CPNE8: variants seen among roughly 807,000 people sequenced by gnomAD.
CPNE8 encodes the protein copine-8.
In CPNE8, 45 loss-of-function variants were observed where a neutral mutation model predicts 81.5. The observed-to-expected ratio is 0.55, with a 90% CI of 0.44 to 0.71. The LOEUF (loss-of-function observed/expected upper bound fraction) is 0.71. CPNE8 is among the 30% of genes least tolerant of loss of function. The pLI is 0.00. For synonymous variants in CPNE8, 252 were observed against 226.3 expected, an observed-to-expected ratio of 1.11 and a Z score of -1.02; for missense variants, 594 against 672.1, an observed-to-expected ratio of 0.88 and a Z score of 1.28.
At chr12:38,790,666 G>A (rs1213046870) in intron 6 of CPNE8, among the ~76,000 whole-genome samples, 2 of 151,580 alleles carry the variant, frequency 1.3e-5, no homozygotes, top group Non-Finnish European at 3.0e-5. Flanking sequence ...TCCATGATGT[G>A]ATTATTACAC....
chr12:38,714,285 TG>T (rs1940334119), intron 13 of CPNE8, among the ~76,000 whole-genome samples: 1 of 152,110 alleles, frequency 6.6e-6, no homozygotes. Flanking sequence ...TAATTTGAAA[TG>T]AATCTGACAT....
intron 1 of CPNE8, among the ~76,000 whole-genome samples, chr12:38,877,462 A>G (rs1300989692): frequency 1.3e-5 from 2 of 152,114 alleles, no homozygotes; most frequent in East Asian, 1.9e-4. Context: ...CTTTGTTCCT[A>G]CCATTTTATA....
At chr12:38,856,542 T>A (rs571809216) in intron 3 of CPNE8, among the ~76,000 whole-genome samples, 58 of 152,292 alleles carry the variant, frequency 3.8e-4, no homozygotes, top group Admixed American at 3.3e-3. Flanking sequence ...CCTGGTGTCA[T>A]CAACTAATGG....
chr12:38,891,420 T>A (rs2137142752), intron 1 of CPNE8, among the ~76,000 whole-genome samples: 1 of 152,232 alleles, frequency 6.6e-6, no homozygotes, highest in South Asian at 2.1e-4. Context: ...AGGCAGGCAT[T>A]TCAGTGTTCT....
intron 6 of CPNE8, among the ~76,000 whole-genome samples, chr12:38,802,530 G>C (rs1402464470): frequency 1.8e-5 from 1 of 56,674 alleles, no homozygotes; most frequent in African/African-American, 5.5e-5. Flanking sequence ...GAAATTTATA[G>C]CACTAAACGC....
intron 1 of CPNE8, among the ~76,000 whole-genome samples, chr12:38,890,817 C>A (rs1022674319): frequency 1.3e-5 from 2 of 151,626 alleles, no homozygotes; most frequent in African/African-American, 4.8e-5. Flanking sequence ...GGATATCACA[C>A]ATGCAAATTG....
chr12:38,711,238 A>C, intron 13 of CPNE8, among the ~76,000 whole-genome samples: 1 of 152,182 alleles, frequency 6.6e-6, no homozygotes, highest in Admixed American at 6.5e-5. Flanking sequence ...GTGTGGCTAA[A>C]AGTGCACACT....
At chr12:38,839,556 C>G (rs1943436045) in intron 5 of CPNE8, among the ~76,000 whole-genome samples, 1 of 151,968 alleles carries the variant, frequency 6.6e-6, no homozygotes, top group South Asian at 2.1e-4. Context: ...AACCACTCTG[C>G]CTACACTCAG....
intron 13 of CPNE8, among the ~76,000 whole-genome samples, chr12:38,716,272 T>C (rs1245746584): frequency 6.6e-6 from 1 of 152,058 alleles, no homozygotes; most frequent in Non-Finnish European, 1.5e-5. Flanking sequence ...ACCAGCATTA[T>C]TCTTGACAGA....
chr12:38,825,872 C>T (rs1158325196), intron 6 of CPNE8, among the ~76,000 whole-genome samples: 1 of 152,180 alleles, frequency 6.6e-6, no homozygotes, highest in Non-Finnish European at 1.5e-5. Flanking sequence ...AAATATCTTT[C>T]CACTAGCAAA....
chr12:38,783,767 A>G (rs369841532), intron 6 of CPNE8, among the ~76,000 whole-genome samples: 14 of 152,222 alleles, frequency 9.2e-5, no homozygotes, highest in African/African-American at 3.1e-4. Flanking sequence ...GTCCAAGACT[A>G]TCAAGGCAGT....
chr12:38,799,118 C>T (rs904891736), intron 6 of CPNE8, among the ~76,000 whole-genome samples: 1 of 152,186 alleles, frequency 6.6e-6, no homozygotes, highest in African/African-American at 2.4e-5. Flanking sequence ...TAACACCCCA[C>T]TGTCAACATT....
chr12:38,902,823 A>T (rs1006463100), intron 1 of CPNE8, among the ~76,000 whole-genome samples: 1 of 152,234 alleles, frequency 6.6e-6, no homozygotes, highest in Non-Finnish European at 1.5e-5. Flanking sequence ...TTATAATAAT[A>T]GCTAACATTT....
intron 13 of CPNE8, among the ~76,000 whole-genome samples, chr12:38,706,988 T>C (rs826892): frequency 0.5 from 76,506 of 151,940 alleles, 20,282 homozygotes; most frequent in East Asian, 0.8. Flanking sequence ...TATGGCTATT[T>C]GCTAAAGAAC....
At chr12:38,763,531 G>T (rs1026091219) in intron 8 of CPNE8, among the ~76,000 whole-genome samples, 1 of 152,256 alleles carries the variant, frequency 6.6e-6, no homozygotes, top group Non-Finnish European at 1.5e-5. Context: ...TAAACTATTG[G>T]TTCTATATAT....
intron 10 of CPNE8, among the ~76,000 whole-genome samples, chr12:38,743,331 C>T (rs539314531): frequency 1.3e-5 from 2 of 152,042 alleles, no homozygotes; most frequent in South Asian, 2.1e-4. Flanking sequence ...ATGTCAAAGT[C>T]GGTGAAATGC....
chr12:38,701,379 T>C (rs940102141), intron 14 of CPNE8, among the ~76,000 whole-genome samples: 1 of 152,250 alleles, frequency 6.6e-6, no homozygotes, highest in African/African-American at 2.4e-5. Flanking sequence ...TTTGTCTTTT[T>C]ATTTAATAAT....
intron 7 of CPNE8, among the ~76,000 whole-genome samples, chr12:38,771,338 G>GCCTGCCT (rs199933203): frequency 0.044 from 6,599 of 151,336 alleles, 491 homozygotes; most frequent in African/African-American, 0.15. Context: ...GGCGGTGCCT[G>GCCTGCCT]CCTATGTTCC....
At chr12:38,841,647 T>G (rs941540689) in intron 4 of CPNE8, among the ~76,000 whole-genome samples, 4 of 152,134 alleles carry the variant, frequency 2.6e-5, no homozygotes, top group Admixed American at 2.6e-4. Flanking sequence ...TTTGAAGTAT[T>G]GGTAGGTGAA....
Sources: allele counts gnomAD v4.1 joint callset (sites outside exome capture counted in the v4.1 genomes callset), GRCh38; gene constraint gnomAD v4.1.1; transcripts MANE v1.5; gene names NCBI Gene and HGNC (gene_info 2026-07-23, HGNC 2026-07-21).